TSPEAR: variants seen among roughly 807,000 people sequenced by gnomAD.
The protein encoded by TSPEAR is thrombospondin-type laminin G domain and EAR repeat-containing protein.
Under a neutral mutation model 71.6 loss-of-function variants are expected in TSPEAR, and 69 were observed. That is an observed-to-expected ratio of 0.96 (90% confidence interval 0.79 to 1.18). TSPEAR has a LOEUF of 1.18. TSPEAR is among the 50% of genes most tolerant of loss of function. The pLI, the probability that TSPEAR is intolerant of heterozygous loss-of-function variation, is 0.00. For missense variants in TSPEAR, 971 were observed against 894.9 expected (o/e 1.09, Z -1.09); for synonymous variants, 402 against 387.2 (o/e 1.04, Z -0.45).
intron 1 of TSPEAR, chr21:44,677,178 T>G: frequency 1.4e-6 from 1 of 713,202 alleles, no homozygotes; most frequent in Non-Finnish European, 2.6e-6. Context: ...CCCAGCAACC[T>G]CTTCTTTCTT....
intron 1 of TSPEAR, among the ~76,000 whole-genome samples, chr21:44,648,386 GA>G (rs1984565963): frequency 6.6e-6 from 1 of 152,180 alleles, no homozygotes; most frequent in Admixed American, 6.5e-5. Flanking sequence ...AGAGGACCTT[GA>G]ACCAGAAAGT....
chr21:44,557,292 A>C (rs781911460), intron 2 of TSPEAR, among the ~76,000 whole-genome samples: 21 of 152,218 alleles, frequency 1.4e-4, no homozygotes, highest in Non-Finnish European at 4.4e-5. Context: ...ACTCAGCTGC[A>C]AACAGTGAAG....
intron 1 of TSPEAR, chr21:44,580,366 G>C (rs782692166): frequency 3.1e-6 from 5 of 1,613,630 alleles, no homozygotes; most frequent in Non-Finnish European, 8.5e-7. Flanking sequence ...GGCAGCACGA[G>C]GGCGTGCAGG....
At chr21:44,638,831 G>GC (rs1983842985) in intron 1 of TSPEAR, among the ~76,000 whole-genome samples, 1 of 151,830 alleles carries the variant, frequency 6.6e-6, no homozygotes, top group Non-Finnish European at 1.5e-5. Context: ...CTCCATGGCT[G>GC]CCCCCCAGGC....
rs587652583 is a variant in TSPEAR at position 44,642,023 on chromosome 21, A to C, written c.82+69410T>G. On this transcript the variant is annotated intron_variant, in intron 1 of 11. Transcript: ENST00000323084. The surrounding 1 kb of genome is among the most constrained non-coding windows in gnomAD (Gnocchi z 4.1). The stretch of plus-strand genomic sequence containing the variant: ...CTAAAGAAAATAAAAATAAAGTCTA[A>C]TAAAAATAAGCAGACATGAAAGATG... Among the ~76,000 whole-genome samples, 25 of 152,380 alleles carry C rather than the reference A, an allele frequency of 1.6e-4. No homozygotes were observed. Among genetic ancestry groups the C allele is most frequent in the African/African-American group, 6.0e-4 (25 of 41,596 alleles).
intron 1 of TSPEAR, among the ~76,000 whole-genome samples, chr21:44,588,495 C>A (rs1979488260): frequency 6.6e-6 from 1 of 151,926 alleles, no homozygotes; most frequent in Non-Finnish European, 1.5e-5. Flanking sequence ...AAAAGTAGAT[C>A]CACCATTTGA....
chr21:44,551,709 T>G (rs1354330833), intron 2 of TSPEAR, among the ~76,000 whole-genome samples: 1 of 152,172 alleles, frequency 6.6e-6, no homozygotes, highest in Non-Finnish European at 1.5e-5. Context: ...ACTCGGCTGG[T>G]CCTGGGCAGG....
intron 1 of TSPEAR, among the ~76,000 whole-genome samples, chr21:44,570,205 C>T (rs587625646): frequency 3.6e-4 from 55 of 152,306 alleles, no homozygotes; most frequent in African/African-American, 1.2e-3. Context: ...GTCAGCCCAT[C>T]GCTCGCTGGG....
intron 1 of TSPEAR, chr21:44,676,954 A>T (rs1555946973): frequency 2.2e-6 from 2 of 915,750 alleles, no homozygotes; most frequent in Non-Finnish European, 3.7e-6. Context: ...ATCAGTAGAG[A>T]GCTTGTCAGC....
intron 1 of TSPEAR, chr21:44,654,655 G>T: frequency 7.3e-7 from 1 of 1,362,490 alleles, no homozygotes. Flanking sequence ...GGACAGGGCT[G>T]GTCTGGAGCC....
chr21:44,590,311 G>T (rs1483677281), intron 1 of TSPEAR, among the ~76,000 whole-genome samples: 1 of 152,164 alleles, frequency 6.6e-6, no homozygotes, highest in Non-Finnish European at 1.5e-5. Context: ...CCAGAGCGGA[G>T]GGTGGCAGAC....
At chr21:44,558,759 G>C (rs782789973) in intron 2 of TSPEAR, 11 of 1,561,514 alleles carry the variant, frequency 7.0e-6, no homozygotes, top group Non-Finnish European at 8.7e-6. Flanking sequence ...GTGAGTGAGT[G>C]AGTGTGGGAG....
At chr21:44,550,736 G>A (rs2146029705) in intron 2 of TSPEAR, 1 of 1,614,080 alleles carries the variant, frequency 6.2e-7, no homozygotes, top group East Asian at 2.2e-5. Context: ...AGGAGGCTGG[G>A]CGGGAGCACA....
intron 1 of TSPEAR, among the ~76,000 whole-genome samples, chr21:44,681,015 G>A (rs1247210857): frequency 1.3e-5 from 2 of 152,194 alleles, no homozygotes; most frequent in East Asian, 1.9e-4. Flanking sequence ...AGTGTAAAAT[G>A]TCCTCAACAC....
At chr21:44,591,007 C>T (rs1458238557) in intron 1 of TSPEAR, among the ~76,000 whole-genome samples, 1 of 152,096 alleles carries the variant, frequency 6.6e-6, no homozygotes, top group Non-Finnish European at 1.5e-5. Flanking sequence ...AGGGGTGGAG[C>T]CAGGCCTGCT....
At chr21:44,670,184 C>T (rs1216101051) in intron 1 of TSPEAR, among the ~76,000 whole-genome samples, 1 of 152,078 alleles carries the variant, frequency 6.6e-6, no homozygotes, top group African/African-American at 2.4e-5. Flanking sequence ...AGTGGCTGCC[C>T]CAAGAAGTTC....
intron 9 of TSPEAR, among the ~76,000 whole-genome samples, chr21:44,514,431 T>G (rs1041324740): frequency 3.3e-5 from 5 of 152,004 alleles, no homozygotes; most frequent in Admixed American, 6.5e-5. Flanking sequence ...CCTTGGGAAG[T>G]GTGTGGCACC....
chr21:44,611,849 G>T (rs1981696000), intron 1 of TSPEAR, among the ~76,000 whole-genome samples: 2 of 152,148 alleles, frequency 1.3e-5, no homozygotes, highest in African/African-American at 4.8e-5. Flanking sequence ...TGTGGTTGCA[G>T]GGCACAGACA....
At chr21:44,541,318 A>C (rs2053219459) in intron 2 of TSPEAR, among the ~76,000 whole-genome samples, 1 of 152,246 alleles carries the variant, frequency 6.6e-6, no homozygotes, top group South Asian at 2.1e-4. Context: ...ACGCGATTCC[A>C]TTGTGCCACC....
Sources: gnomAD v4.1 joint callset for allele counts (sites outside exome capture counted in the v4.1 genomes callset) on GRCh38, gnomAD v4.1.1 for gene constraint, Gnocchi (gnomAD v3.1) non-coding constraint, MANE v1.5 for transcripts, NCBI Gene and HGNC (gene_info 2026-07-23, HGNC 2026-07-21) for gene names.